The following NLGN4Y variants were observed in gnomAD, a reference collection of about 807,000 sequenced individuals.
NLGN4Y encodes neuroligin 4 Y-linked.
Under a neutral mutation model 8.4 loss-of-function variants are expected in NLGN4Y, and 4 were observed. The observed-to-expected ratio is 0.48, with a 90% confidence interval of 0.23 to 1.09. The LOEUF is 1.09. Among genes scored for constraint, NLGN4Y ranks in the 50% least tolerant of loss-of-function variants. The pLI, the probability that NLGN4Y is intolerant of heterozygous loss-of-function variation, is 0.19. For missense variants in NLGN4Y, 90 were observed against 192.3 expected (o/e 0.47, Z 3.15); for synonymous variants, 35 against 75.6 (o/e 0.46, Z 2.78).
At chrY:14,786,286 T>C in intron 4 of NLGN4Y, among the ~76,000 whole-genome samples, 1 of 33,952 alleles carries the variant, frequency 2.9e-5, no homozygotes, top group South Asian at 6.7e-4. Flanking sequence ...ATGGCTGTGA[T>C]AGATTTTTTA....
intron 1 of NLGN4Y, among the ~76,000 whole-genome samples, chrY:14,607,060 C>A: frequency 3.2e-5 from 1 of 31,625 alleles, no homozygotes; most frequent in Non-Finnish European, 7.7e-5. Context: ...ATTTTTTGCC[C>A]GCAAGGATGT....
chrY:14,585,652 AATT>A (rs2080337621), intron 1 of NLGN4Y, among the ~76,000 whole-genome samples: 2 of 33,408 alleles, frequency 6.0e-5, no homozygotes, highest in Non-Finnish European at 7.4e-5. Flanking sequence ...TCTCAATATC[AATT>A]ATTATTGACT....
chrY:14,668,924 T>G, intron 2 of NLGN4Y, among the ~76,000 whole-genome samples: 1 of 32,215 alleles, frequency 3.1e-5, no homozygotes, highest in East Asian at 8.2e-4. Flanking sequence ...CCACCCCTAT[T>G]ATCCGGACAC....
chrY:14,559,206 C>G lies in NLGN4Y; in HGVS notation c.-112+34498C>G, dbSNP rs920267823. 1.8e-4 allele frequency among the ~76,000 whole-genome samples: 6 copies of G among 33,275 alleles called. No individual in the cohort carries two copies. In the East Asian group the frequency reaches 4.9e-3, roughly 27 times the overall value. The allele number at this position is 33,275 out of a possible 37,273, so 89.3% of individuals were successfully genotyped here. ...TAATCACATCAAGATGAGCAAAAGACCAGTCAAGGGAAGTAAACCTGAAAA... is the reference window on the plus strand; with the variant it reads ...TAATCACATCAAGATGAGCAAAAGAGCAGTCAAGGGAAGTAAACCTGAAAA... On this transcript the variant is annotated intron_variant, in intron 1 of 6. Coordinates refer to ENST00000684976, the MANE Select transcript of NLGN4Y (RefSeq NM_001365588.1).
chrY:14,578,676 AG>A (rs2080306357), intron 1 of NLGN4Y, among the ~76,000 whole-genome samples: 2 of 32,790 alleles, frequency 6.1e-5, no homozygotes, highest in Non-Finnish European at 1.5e-4. Flanking sequence ...TACAGTACCA[AG>A]GGGGATATAC....
chrY:14,775,356 AAG>A (rs2081121687), intron 4 of NLGN4Y, among the ~76,000 whole-genome samples: 1 of 32,254 alleles, frequency 3.1e-5, no homozygotes, highest in African/African-American at 1.2e-4. Flanking sequence ...ATGTGTGAGA[AAG>A]AGTTTCTGGA....
chrY:14,800,510 T>C (rs755659407), intron 4 of NLGN4Y, among the ~76,000 whole-genome samples: 33 of 31,142 alleles, frequency 1.1e-3, no homozygotes, highest in South Asian at 2.2e-3. Flanking sequence ...ACCTGTGAGA[T>C]TGATAGATGC....
At chrY:14,726,078 A>G in intron 4 of NLGN4Y, among the ~76,000 whole-genome samples, 2 of 33,398 alleles carry the variant, frequency 6.0e-5, no homozygotes, top group East Asian at 7.9e-4. Flanking sequence ...AAAACCCATA[A>G]GATCTTAGTT....
intron 1 of NLGN4Y, among the ~76,000 whole-genome samples, chrY:14,619,342 C>A: frequency 2.9e-5 from 1 of 34,030 alleles, no homozygotes. Context: ...GTGTGTAATA[C>A]CAAATTCTTT....
At chrY:14,667,007 T>A in intron 2 of NLGN4Y, among the ~76,000 whole-genome samples, 1 of 32,363 alleles carries the variant, frequency 3.1e-5, no homozygotes, top group Admixed American at 2.9e-4. Flanking sequence ...TTTTCAATAG[T>A]CTATCCAATG....
Position 14,612,221 on chromosome Y carries a change from A to G in NLGN4Y, c.-111-9788A>G, listed in dbSNP as rs368398302. Among the ~76,000 whole-genome samples, 193 of 32,955 alleles carry G rather than the reference A, an allele frequency of 5.9e-3. No homozygotes were observed. In the East Asian group the frequency reaches 0.14, roughly 25 times the overall value. 88.4% of individuals were successfully genotyped at this position (32,955 alleles called of 37,273 possible). Reference sequence around the variant, plus strand: ...TTATGAAGATTCTTAGCTTCCTTACATGGGGTTAGAACATGCTCCCTTAGC... The same window carrying G: ...TTATGAAGATTCTTAGCTTCCTTACGTGGGGTTAGAACATGCTCCCTTAGC... On this transcript the variant is annotated intron_variant, in intron 1 of 6. Coordinates refer to ENST00000684976, the MANE Select transcript of NLGN4Y (RefSeq NM_001365588.1).
At chrY:14,784,892 C>T in intron 4 of NLGN4Y, among the ~76,000 whole-genome samples, 1 of 32,803 alleles carries the variant, frequency 3.0e-5, no homozygotes. Context: ...GAACAGAGAA[C>T]CAAATACTGC....
At chrY:14,824,835 T>G in intron 5 of NLGN4Y, among the ~76,000 whole-genome samples, 1 of 33,539 alleles carries the variant, frequency 3.0e-5, no homozygotes, top group East Asian at 8.0e-4. Context: ...TTTAAGTGTG[T>G]GACAATTAGG....
chrY:14,561,423 T>C (rs2080226675), intron 1 of NLGN4Y, among the ~76,000 whole-genome samples: 1 of 33,214 alleles, frequency 3.0e-5, no homozygotes, highest in Non-Finnish European at 7.5e-5. Flanking sequence ...TCCTTTTTTA[T>C]GTATTCCATG....
At chrY:14,543,510 C>T (rs2080158220) in intron 1 of NLGN4Y, among the ~76,000 whole-genome samples, 1 of 33,768 alleles carries the variant, frequency 3.0e-5, no homozygotes, top group African/African-American at 1.2e-4. Flanking sequence ...TTACCAACTC[C>T]TTAGGAGCAA....
At chrY:14,594,830 A>G in intron 1 of NLGN4Y, among the ~76,000 whole-genome samples, 1 of 32,821 alleles carries the variant, frequency 3.0e-5, no homozygotes, top group Non-Finnish European at 7.5e-5. Context: ...TCCTTCCAGA[A>G]CACAGGTCAA....
At chrY:14,549,208 T>A (rs934426798) in intron 1 of NLGN4Y, among the ~76,000 whole-genome samples, 1 of 33,074 alleles carries the variant, frequency 3.0e-5, no homozygotes, top group Non-Finnish European at 7.4e-5. Flanking sequence ...CCAATGTAAA[T>A]CACTTTCAGA....
chrY:14,780,529 G>A (rs2042940441), intron 4 of NLGN4Y, among the ~76,000 whole-genome samples: 1 of 32,802 alleles, frequency 3.0e-5, no homozygotes. Flanking sequence ...TGGAAGTGGG[G>A]CTTTGGGAGG....
Position 14,723,096 on chromosome Y carries a change from CT to C in NLGN4Y, c.533-19del. 1 of 392,806 alleles carries C rather than the reference CT, an allele frequency of 2.5e-6. No homozygotes were observed. The highest frequency in any genetic ancestry group is 6.5e-5 in the African/African-American group (1 of 15,501). On this transcript the variant is annotated intron_variant, in intron 3 of 6. Transcript: ENST00000684976. ...CCAGTAAGATTCTTTACTGCGTTTC[CT>C]TACTTGGCTTTTTTTCCAGATATTC...
Sources: allele counts gnomAD v4.1 joint callset (sites outside exome capture counted in the v4.1 genomes callset), GRCh38; gene constraint gnomAD v4.1.1; transcripts MANE v1.5; gene names NCBI Gene and HGNC (gene_info 2026-07-23, HGNC 2026-07-21).